AKR1C8: variants seen among roughly 807,000 people sequenced by gnomAD.
The protein encoded by AKR1C8 is aldo-keto reductase family 1 member C8, also known as aldo-keto reductase family 1 member C-like protein 1.
At chr10:5,131,820 G>A in the AKR1C8 span, among the ~76,000 whole-genome samples, 1 of 152,088 alleles carries the variant, frequency 6.6e-6, no homozygotes. Flanking sequence ...TCTGCCATTT[G>A]ATCCATCAGT....
the AKR1C8 span, among the ~76,000 whole-genome samples, chr10:5,140,061 G>A: frequency 2.0e-5 from 3 of 152,184 alleles, no homozygotes; most frequent in African/African-American, 7.2e-5. Context: ...CATCATCACT[G>A]GTCATCAGAG....
chr10:5,181,227 G>C, the AKR1C8 span, among the ~76,000 whole-genome samples: 1 of 152,044 alleles, frequency 6.6e-6, no homozygotes, highest in Non-Finnish European at 1.5e-5. Flanking sequence ...TTGTCAAATT[G>C]GTTAAGATTA....
the AKR1C8 span, among the ~76,000 whole-genome samples, chr10:5,158,241 A>G: frequency 3.6e-3 from 548 of 152,340 alleles, 4 homozygotes; most frequent in African/African-American, 0.013. Flanking sequence ...AGGAAAAAAA[A>G]TAACTTCTTT....
At chr10:5,129,339 T>C in the AKR1C8 span, among the ~76,000 whole-genome samples, 13 of 151,918 alleles carry the variant, frequency 8.6e-5, no homozygotes, top group Non-Finnish European at 1.8e-4. Context: ...CAGCACAAAT[T>C]GACAACCTAA....
At chr10:5,131,186 G>C in the AKR1C8 span, among the ~76,000 whole-genome samples, 6 of 151,938 alleles carry the variant, frequency 3.9e-5, no homozygotes, top group African/African-American at 1.2e-4. Flanking sequence ...ACTCAAGATG[G>C]ATCAAAAACT....
chr10:5,123,018 A>G, the AKR1C8 span, among the ~76,000 whole-genome samples: 113 of 152,338 alleles, frequency 7.4e-4, 1 homozygote, highest in Admixed American at 7.4e-3. Context: ...AGATGTCGCT[A>G]GCACAGGAAT....
the AKR1C8 span, among the ~76,000 whole-genome samples, chr10:5,146,130 T>C: frequency 7.1e-6 from 1 of 140,700 alleles, no homozygotes; most frequent in African/African-American, 2.7e-5. Context: ...TTCTCACTCA[T>C]AGGTGGGAAT....
At chr10:5,139,983 A>C in the AKR1C8 span, among the ~76,000 whole-genome samples, 1 of 152,190 alleles carries the variant, frequency 6.6e-6, no homozygotes, top group Non-Finnish European at 1.5e-5. Context: ...AAAAGTGGGC[A>C]AAGGACATGA....
At chr10:5,176,769 G>A in the AKR1C8 span, among the ~76,000 whole-genome samples, 1 of 151,996 alleles carries the variant, frequency 6.6e-6, no homozygotes, top group East Asian at 1.9e-4. Flanking sequence ...TCATGATTTG[G>A]CTCTCTGTTT....
chr10:5,158,014 A>C, the AKR1C8 span, among the ~76,000 whole-genome samples: 1 of 152,230 alleles, frequency 6.6e-6, no homozygotes, highest in Non-Finnish European at 1.5e-5. Context: ...ATGGATAAAC[A>C]AGTTATCCAT....
the AKR1C8 span, among the ~76,000 whole-genome samples, chr10:5,164,486 G>T: frequency 1.3e-5 from 2 of 152,032 alleles, no homozygotes; most frequent in Admixed American, 1.3e-4. Context: ...TATTTTTGGT[G>T]CATGGGTTGG....
the AKR1C8 span, chr10:5,161,608 T>C: frequency 4.1e-6 from 2 of 492,572 alleles, no homozygotes; most frequent in Non-Finnish European, 8.3e-6. Flanking sequence ...CTGTCTAGGG[T>C]AGAGGAAGTG....
At chr10:5,180,621 G>A in the AKR1C8 span, among the ~76,000 whole-genome samples, 55 of 152,364 alleles carry the variant, frequency 3.6e-4, 1 homozygote, top group South Asian at 0.01. Context: ...GAGCTGTGGT[G>A]GGCTCCACAC....
chr10:5,154,183 C>G, the AKR1C8 span: 1 of 470,298 alleles, frequency 2.1e-6, no homozygotes, highest in African/African-American at 2.0e-5. Context: ...ATTAGCAGCA[C>G]TGAAAGAGAA....
the AKR1C8 span, among the ~76,000 whole-genome samples, chr10:5,119,660 A>C: frequency 1.3e-5 from 2 of 152,152 alleles, no homozygotes; most frequent in Non-Finnish European, 2.9e-5. Flanking sequence ...GGCGAACAGA[A>C]ACTATAGACT....
chr10:5,138,152 A>G, the AKR1C8 span, among the ~76,000 whole-genome samples: 1 of 152,000 alleles, frequency 6.6e-6, no homozygotes, highest in Non-Finnish European at 1.5e-5. Flanking sequence ...TCTGACCACA[A>G]ATTTACCAGA....
At chr10:5,148,820 G>T in the AKR1C8 span, among the ~76,000 whole-genome samples, 2 of 152,118 alleles carry the variant, frequency 1.3e-5, no homozygotes, top group African/African-American at 4.8e-5. Context: ...GGGGTCCAGA[G>T]AATATATTTT....
the AKR1C8 span, among the ~76,000 whole-genome samples, chr10:5,178,267 A>C: frequency 6.6e-6 from 1 of 152,158 alleles, no homozygotes; most frequent in Non-Finnish European, 1.5e-5. Context: ...CAGGTTGTTC[A>C]GTTTCCATGT....
At chr10:5,165,458 C>G in the AKR1C8 span, among the ~76,000 whole-genome samples, 1 of 152,014 alleles carries the variant, frequency 6.6e-6, no homozygotes, top group Non-Finnish European at 1.5e-5. Flanking sequence ...TTTCCCAATT[C>G]CTCTCCCTTC....
Sources: allele counts gnomAD v4.1 joint callset (sites outside exome capture counted in the v4.1 genomes callset), GRCh38; gene constraint gnomAD v4.1.1; transcripts MANE v1.5; gene names NCBI Gene and HGNC (gene_info 2026-07-23, HGNC 2026-07-21).